The following STK33 variants were observed in gnomAD, a reference collection of about 807,000 sequenced individuals.
STK33 encodes the protein serine/threonine-protein kinase 33.
A neutral mutation model predicts 58.0 loss-of-function variants in STK33; 52 were observed. The observed-to-expected ratio is 0.90, with a 90% CI of 0.72 to 1.13. The LOEUF (loss-of-function observed/expected upper bound fraction) is 1.13. STK33 is among the 50% of genes most tolerant of loss of function. The probability of loss-of-function intolerance (pLI) is 0.00; values close to 1 mark genes in which losing one functional copy is unlikely to be tolerated. For missense variants in STK33, 630 were observed against 604.2 expected (o/e 1.04, Z -0.45); for synonymous variants, 215 against 200.1 (o/e 1.07, Z -0.63).
the STK33 span, among the ~76,000 whole-genome samples, chr11:8,359,673 C>T: frequency 6.6e-6 from 1 of 152,210 alleles, no homozygotes; most frequent in African/African-American, 2.4e-5. Flanking sequence ...CTCTTCTCCC[C>T]TCCTCTCCCC....
the STK33 span, among the ~76,000 whole-genome samples, chr11:8,382,184 G>T: frequency 6.6e-6 from 1 of 152,314 alleles, no homozygotes; most frequent in East Asian, 1.9e-4. Flanking sequence ...GGACCGCAGG[G>T]CCCGGCTGCT....
chr11:8,481,894 G>T (rs1949833917), intron 1 of STK33, among the ~76,000 whole-genome samples: 1 of 152,090 alleles, frequency 6.6e-6, no homozygotes, highest in African/African-American at 2.4e-5. Flanking sequence ...ATAGGCATTG[G>T]TCATAATAAA....
At chr11:8,577,995 A>G (rs906658652) in intron 1 of STK33, among the ~76,000 whole-genome samples, 1 of 152,090 alleles carries the variant, frequency 6.6e-6, no homozygotes, top group Non-Finnish European at 1.5e-5. Flanking sequence ...TTTAGGAATG[A>G]AAGTTTCACT....
chr11:8,546,536 T>C (rs772043360), intron 1 of STK33, among the ~76,000 whole-genome samples: 30 of 152,070 alleles, frequency 2.0e-4, no homozygotes, highest in Non-Finnish European at 4.0e-4. Context: ...CACTAGAACT[T>C]ATTCCTTCTT....
rs867179682 is a variant in STK33, at chr11:8,440,817, C to T, written c.872-64G>A. On this transcript the variant is annotated intron_variant, in intron 11 of 15. Coordinates refer to ENST00000687296, the MANE Select transcript of STK33 (RefSeq NM_001352389.2). ...AATAAATGTCTTTTAAATGCTTAAA[C>T]ACAAGCATGAAAAATGTGCTGATGT... 21 of 1,457,976 alleles carry T rather than the reference C, an allele frequency of 1.4e-5. No individual in the cohort carries two copies. In the African/African-American group the frequency reaches 2.0e-4, roughly 14 times the overall value. 90.3% of individuals were successfully genotyped at this position (1,457,976 alleles called of 1,614,324 possible).
intron 1 of STK33, among the ~76,000 whole-genome samples, chr11:8,545,515 T>C (rs1955842749): frequency 6.6e-6 from 1 of 152,204 alleles, no homozygotes. Flanking sequence ...AACAGTCCCC[T>C]GAATGCGTTT....
chr11:8,455,280 C>T (rs1489358427), intron 9 of STK33, among the ~76,000 whole-genome samples: 1 of 152,164 alleles, frequency 6.6e-6, no homozygotes, highest in Non-Finnish European at 1.5e-5. Context: ...TACATATATA[C>T]AAACTATACT....
intron 14 of STK33, among the ~76,000 whole-genome samples, chr11:8,423,477 T>C (rs1056846326): frequency 6.6e-6 from 1 of 152,082 alleles, no homozygotes; most frequent in Admixed American, 6.6e-5. Context: ...CTTATTGGGG[T>C]TTATTCTTTA....
At chr11:8,420,155 A>T (rs1941706514) in intron 14 of STK33, among the ~76,000 whole-genome samples, 1 of 152,136 alleles carries the variant, frequency 6.6e-6, no homozygotes, top group African/African-American at 2.4e-5. Context: ...AATGTAAATT[A>T]TAGTAAGAAA....
intron 11 of STK33, among the ~76,000 whole-genome samples, chr11:8,445,118 T>C (rs1945265457): frequency 6.6e-6 from 1 of 152,214 alleles, no homozygotes; most frequent in African/African-American, 2.4e-5. Flanking sequence ...ATAAGTTGCA[T>C]TCCTAGGTAT....
At chr11:8,483,204 G>T (rs1368662382) in intron 1 of STK33, among the ~76,000 whole-genome samples, 2 of 152,054 alleles carry the variant, frequency 1.3e-5, no homozygotes, top group Non-Finnish European at 2.9e-5. Context: ...ATGAGTTAGA[G>T]TTCACCTGTG....
At chr11:8,544,527 C>T (rs1955769004) in intron 1 of STK33, among the ~76,000 whole-genome samples, 1 of 151,134 alleles carries the variant, frequency 6.6e-6, no homozygotes, top group African/African-American at 2.4e-5. Flanking sequence ...GTTTTACTAT[C>T]TACATAATAA....
intron 14 of STK33, among the ~76,000 whole-genome samples, chr11:8,435,119 T>C (rs1943908117): frequency 1.3e-5 from 2 of 152,164 alleles, no homozygotes; most frequent in Admixed American, 6.5e-5. Context: ...CCCCAAAGAT[T>C]TTCTACACCC....
intron 6 of STK33, among the ~76,000 whole-genome samples, chr11:8,468,394 ATT>A (rs1207029502): frequency 3.3e-5 from 5 of 152,186 alleles, no homozygotes; most frequent in Non-Finnish European, 7.4e-5. Context: ...CAACAGGTAA[ATT>A]AGAGGCTTGT....
intron 1 of STK33, among the ~76,000 whole-genome samples, chr11:8,491,062 G>C (rs1333069973): frequency 6.6e-6 from 1 of 152,200 alleles, no homozygotes; most frequent in East Asian, 1.9e-4. Flanking sequence ...CTCCTCGCCA[G>C]TAACAGAACA....
At chr11:8,583,437 G>A (rs1158968893) in intron 1 of STK33, among the ~76,000 whole-genome samples, 1 of 152,124 alleles carries the variant, frequency 6.6e-6, no homozygotes. Context: ...TCAAACTCAA[G>A]AACCCTCTGC....
At chr11:8,500,071 T>C (rs1951396916) in intron 1 of STK33, among the ~76,000 whole-genome samples, 2 of 151,992 alleles carry the variant, frequency 1.3e-5, no homozygotes, top group South Asian at 4.2e-4. Context: ...AAATATAATT[T>C]TAAAAAAACA....
At position 8,474,782 on chromosome 11, in the gene STK33, T is replaced by C; in HGVS notation, c.124A>G (p.Met42Val). ...CTACCAATGCTTGATGTCTGTGACA[T>C]TTCCACCACCAAAACTGGAGGAACC... ...TRVPPVLVVE[M>V]SQTSSIGSAE... The change falls in exon 5 of 16, where the codon ATG becomes GTG. Residue 42 changes from methionine to valine, a missense_variant. Coordinates refer to ENST00000687296, the MANE Select transcript of STK33 (RefSeq NM_001352389.2). 1 of 1,613,594 alleles carries C rather than the reference T, an allele frequency of 6.2e-7. No individual in the cohort carries two copies. The highest frequency in any genetic ancestry group is 8.5e-7 in the Non-Finnish European group (1 of 1,179,802).
chr11:8,531,113 C>G (rs553800407), intron 1 of STK33, among the ~76,000 whole-genome samples: 1 of 152,134 alleles, frequency 6.6e-6, no homozygotes, highest in Admixed American at 6.5e-5. Context: ...AAAGGTAAAG[C>G]TTCAATTAAT....
Sources: gnomAD v4.1 joint callset for allele counts (sites outside exome capture counted in the v4.1 genomes callset) on GRCh38, gnomAD v4.1.1 for gene constraint, MANE v1.5 for transcripts, NCBI Gene and HGNC (gene_info 2026-07-23, HGNC 2026-07-21) for gene names.